Variants in ATPSCKMT observed in about 807,000 individuals in gnomAD.
The protein encoded by ATPSCKMT is ATP synthase c subunit lysine N-methyltransferase.
A neutral mutation model predicts 24.3 loss-of-function variants in ATPSCKMT; 24 were observed. That is an observed-to-expected ratio of 0.99 (90% CI 0.71 to 1.39). The LOEUF (loss-of-function observed/expected upper bound fraction) is 1.39, where lower values mean the gene tolerates loss of function less well. ATPSCKMT is among the 40% of genes most tolerant of loss of function. ATPSCKMT has a pLI of 0.00. For missense variants in ATPSCKMT, 311 were observed against 298.4 expected (o/e 1.04, Z -0.31); for synonymous variants, 95 against 110.5 (o/e 0.86, Z 0.88).
chr5:10,233,276 T>C (rs13360474), intron 4 of ATPSCKMT, among the ~76,000 whole-genome samples: 3,210 of 152,064 alleles, frequency 0.021, 100 homozygotes, highest in African/African-American at 0.073. Context: ...TGGCCTCCAC[T>C]GAGACACAGC....
chr5:10,235,648 C>G (rs1355459808), intron 3 of ATPSCKMT, among the ~76,000 whole-genome samples: 1 of 152,202 alleles, frequency 6.6e-6, no homozygotes, highest in Non-Finnish European at 1.5e-5. Flanking sequence ...ACCAGCTTCA[C>G]CAGAACACAG....
In ATPSCKMT at chr5:10,230,438, T is replaced by C. The variant is rs1299658973; in HGVS notation, c.496-2791A>G. On this transcript the variant is annotated intron_variant, in intron 4 of 4. Coordinates refer to ENST00000511437, the MANE Select transcript of ATPSCKMT (RefSeq NM_199133.4). ...TTCTTTTCTCTTTTATAGTTTCTTT[T>C]ATTTCCAAATGATTGTCATATGCTA... 3.3e-5 allele frequency among the ~76,000 whole-genome samples: 5 copies of C among 152,344 alleles called. 1 individual carries two copies.
intron 1 of ATPSCKMT, among the ~76,000 whole-genome samples, chr5:10,245,914 AC>A (rs1201490806): frequency 6.6e-6 from 1 of 152,210 alleles, no homozygotes; most frequent in Admixed American, 6.5e-5. Context: ...TCAATTTTTA[AC>A]AGCTTTGAGA....
intron 3 of ATPSCKMT, 51 bp downstream of exon 3, chr5:10,236,424 GAAT>G: frequency 6.4e-7 from 1 of 1,565,690 alleles, no homozygotes; most frequent in Non-Finnish European, 8.7e-7. Flanking sequence ...TACTAATTTT[GAAT>G]AATAAAATTT....
intron 4 of ATPSCKMT, among the ~76,000 whole-genome samples, chr5:10,229,286 T>C (rs1561024910): frequency 2.6e-5 from 4 of 152,200 alleles, no homozygotes; most frequent in African/African-American, 7.2e-5. Flanking sequence ...GCTCAGTCTT[T>C]CTTTGGTTTT....
intron 3 of ATPSCKMT, 184 bp downstream of exon 3, chr5:10,236,292 TTA>T: frequency 3.5e-6 from 2 of 567,968 alleles, no homozygotes; most frequent in Non-Finnish European, 5.4e-6. Flanking sequence ...TATAAAAACT[TTA>T]AGCTTCTCTC....
intron 1 of ATPSCKMT, among the ~76,000 whole-genome samples, chr5:10,246,920 G>C (rs1283961117): frequency 6.6e-6 from 1 of 152,208 alleles, no homozygotes; most frequent in African/African-American, 2.4e-5. Context: ...TGGGACCAGT[G>C]AGGTGTTGGC....
intron 2 of ATPSCKMT, among the ~76,000 whole-genome samples, chr5:10,237,593 A>T (rs1390951752): frequency 6.6e-6 from 1 of 152,066 alleles, no homozygotes; most frequent in African/African-American, 2.4e-5. Flanking sequence ...GCCACCATCA[A>T]TGTAAGACAT....
At chr5:10,247,930 A>G (rs1745006816) in intron 1 of ATPSCKMT, among the ~76,000 whole-genome samples, 1 of 152,172 alleles carries the variant, frequency 6.6e-6, no homozygotes, top group Non-Finnish European at 1.5e-5. Flanking sequence ...TATTGGTTGA[A>G]AACTTCAATT....
chr5:10,229,261 A>C (rs1211774134), intron 4 of ATPSCKMT, among the ~76,000 whole-genome samples: 1 of 152,194 alleles, frequency 6.6e-6, no homozygotes, highest in African/African-American at 2.4e-5. Flanking sequence ...TGGTCTCCTT[A>C]GACGGAAAAC....
In ATPSCKMT at chr5:10,234,560, C is replaced by T. The variant is rs369550781; in HGVS notation, c.495+651G>A. Among the ~76,000 whole-genome samples the T allele has an allele frequency of 5.3e-5, 8 of 152,162 alleles. No individual in the cohort carries two copies. The South Asian group carries it at 1.0e-3, about 20-fold the overall frequency. On this transcript the variant is annotated intron_variant, in intron 4 of 4. Coordinates refer to ENST00000511437, the MANE Select transcript of ATPSCKMT (RefSeq NM_199133.4). ...GCATTTTAGCAAACATTCAATTCTG[C>T]CAATTTTATTATGGCTACAATGATA...
intron 4 of ATPSCKMT, among the ~76,000 whole-genome samples, chr5:10,234,854 G>A (rs1479952883): frequency 6.6e-6 from 1 of 152,176 alleles, no homozygotes; most frequent in African/African-American, 2.4e-5. Context: ...AATTCAGAGG[G>A]AACATCTCAT....
rs1386539079 is a variant in ATPSCKMT, at chr5:10,245,301, T to G, written c.16+4557A>C. Among the ~76,000 whole-genome samples the G allele has an allele frequency of 2.6e-5, 4 of 152,020 alleles. No individual in the cohort carries two copies. In the East Asian group the frequency reaches 7.7e-4, roughly 29 times the overall value. ...CGGGCATGGTGGTGGGCGCCTGTAG[T>G]CCCAGCTACTTGAAAGGCTGAAGCA... is the stretch of plus-strand genomic sequence containing the variant. On this transcript the variant is annotated intron_variant, in intron 1 of 4. Coordinates refer to ENST00000511437, the MANE Select transcript of ATPSCKMT (RefSeq NM_199133.4).
intron 1 of ATPSCKMT, among the ~76,000 whole-genome samples, chr5:10,243,965 C>G (rs1257498024): frequency 6.6e-6 from 1 of 152,218 alleles, no homozygotes; most frequent in Non-Finnish European, 1.5e-5. Context: ...GCCTTCTTCA[C>G]TAAGCTTAAT....
chr5:10,238,038 C>T (rs1425938360), intron 2 of ATPSCKMT, among the ~76,000 whole-genome samples: 1 of 152,232 alleles, frequency 6.6e-6, no homozygotes, highest in East Asian at 1.9e-4. Flanking sequence ...AGCCACCACA[C>T]CTGGCCACTA....
At chr5:10,245,438 AAAAT>A (rs1298073779) in intron 1 of ATPSCKMT, among the ~76,000 whole-genome samples, 2 of 151,618 alleles carry the variant, frequency 1.3e-5, no homozygotes, top group East Asian at 2.0e-4. Context: ...ATAATAAAAT[AAAAT>A]AAATAAACAC....
At chr5:10,248,941 T>G (rs1024607288) in intron 1 of ATPSCKMT, among the ~76,000 whole-genome samples, 5 of 152,066 alleles carry the variant, frequency 3.3e-5, no homozygotes, top group African/African-American at 1.2e-4. Context: ...ACAGCTGCGG[T>G]TGCCAAGATC....
At chr5:10,239,413 A>G (rs1744525832) in intron 1 of ATPSCKMT, 57 bp from the exon 2 acceptor site, 1 of 1,470,432 alleles carries the variant, frequency 6.8e-7, no homozygotes, top group Non-Finnish European at 9.2e-7. Flanking sequence ...AATCCAAGAG[A>G]GCATTTTTTT....
In ATPSCKMT at chr5:10,243,223, C is replaced by T. The variant is rs7447010; in HGVS notation, c.17-3867G>A. 9.4e-3 allele frequency among the ~76,000 whole-genome samples: 1,433 copies of T among 152,238 alleles called. 25 individuals carry two copies. The highest frequency in any genetic ancestry group is 0.033 in the African/African-American group (1,351 of 41,550). On this transcript the variant is annotated intron_variant, in intron 1 of 4. Transcript: ENST00000511437. ...TCTGCTGGCCAGGCACAGTGGCTCG[C>T]GCCTGTAATCTCAACACTTTGGGAG...
Sources: gnomAD v4.1 joint callset for allele counts (sites outside exome capture counted in the v4.1 genomes callset) on GRCh38, gnomAD v4.1.1 for gene constraint, MANE v1.5 for transcripts, NCBI Gene and HGNC (gene_info 2026-07-23, HGNC 2026-07-21) for gene names.